Variants in GAL3ST2 observed in about 807,000 individuals in gnomAD.
GAL3ST2 encodes the protein galactose-3-O-sulfotransferase 2, also known as beta-galactose-3-O-sulfotransferase 2.
Under a neutral mutation model 12.9 loss-of-function variants are expected in GAL3ST2, and 16 were observed. The ratio of observed to expected loss-of-function variants is 1.24; its 90% CI spans 0.84 to 1.88. The LOEUF is 1.88. GAL3ST2 is among the 40% of genes most tolerant of loss of function. The probability of loss-of-function intolerance (pLI) is 0.00; values close to 1 mark genes in which losing one functional copy is unlikely to be tolerated. For missense variants in GAL3ST2, 639 were observed against 571.8 expected, an observed-to-expected ratio of 1.12 and a Z score of -1.20; for synonymous variants, 302 against 273.9, an observed-to-expected ratio of 1.10 and a Z score of -1.01.
rs775970290 is a variant in GAL3ST2, at chr2:241,803,753, G to A, written c.784G>A (p.Ala262Thr). ...RLNSRSARSV[A>T]RLSPETRERA... The stretch of plus-strand genomic sequence containing the variant: ...CAACTCCCGCAGCGCGCGCTCCGTG[G>A]CCCGCCTGTCGCCCGAGACCCGGGA... Residue 262 changes from alanine to threonine, a missense_variant, in exon 4 of 4, where the codon GCC (alanine) becomes ACC (threonine). By Grantham distance (58) the Ala-to-Thr change is moderately conservative. Transcript: ENST00000192314. 1.5e-4 allele frequency: 229 copies of A among 1,520,638 alleles called. No individual in the cohort carries two copies. Among genetic ancestry groups the A allele is most frequent in the Non-Finnish European group, 2.0e-4 (223 of 1,138,308 alleles). 94.2% of individuals were successfully genotyped at this position (1,520,638 alleles called of 1,614,324 possible).
At chr2:241,792,006 C>CTTT (rs1699698217) in intron 1 of GAL3ST2, among the ~76,000 whole-genome samples, 1 of 141,982 alleles carries the variant, frequency 7.0e-6, no homozygotes, top group African/African-American at 2.6e-5. Context: ...CTTTTCTTTT[C>CTTT]TTTCTTTCTT....
chr2:241,777,115 G>A (rs910902576), intron 1 of GAL3ST2, 131 bp downstream of exon 1: 4 of 830,926 alleles, frequency 4.8e-6, no homozygotes, highest in Admixed American at 3.9e-5. Flanking sequence ...TTCCTACTCA[G>A]GCTTCCCTGA....
rs1324238185 is a variant in GAL3ST2, at chr2:241,801,587, C to G, written c.120-194C>G. ...GTTGGGGGAGTTTGTGTTCGGGCCA[C>G]CAGCTGGGAGGTTGTGGAGTGGGGC... On this transcript the variant is annotated intron_variant, in intron 2 of 3. Transcript: ENST00000192314. The surrounding 1 kb of genome is among the most constrained non-coding windows in gnomAD (Gnocchi z 4.4). 1.5e-6 allele frequency: 1 copy of G among 670,380 alleles called. No individual in the cohort carries two copies. The highest frequency in any genetic ancestry group is 2.5e-6 in the Non-Finnish European group (1 of 403,050). 41.5% of individuals were successfully genotyped at this position (670,380 alleles called of 1,614,324 possible).
chr2:241,803,856 C>A lies in GAL3ST2; in HGVS notation c.887C>A (p.Ala296Asp). The A allele has an allele frequency of 6.9e-7, 1 of 1,451,726 alleles. No individual in the cohort carries two copies. Among genetic ancestry groups the A allele is most frequent in the Non-Finnish European group, 9.0e-7 (1 of 1,111,548 alleles). The allele number at this position is 1,451,726 out of a possible 1,614,324, so 89.9% of individuals were successfully genotyped here. Residue 296 changes from alanine (A) to aspartate (D), a missense_variant, in exon 4 of 4, where the codon GCC becomes GAC. Physicochemically the swap from Ala to Asp is moderately radical, Grantham distance 126. Coordinates refer to ENST00000192314, the MANE Select transcript of GAL3ST2 (RefSeq NM_022134.3). ...FNRTLWAQLRAELGPRRLRGE... is the reference protein window; with the variant it reads ...FNRTLWAQLRDELGPRRLRGE... ...CGCACCCTCTGGGCGCAGCTGCGCG[C>A]CGAGCTGGGGCCGCGGCGGCTGCGC...
rs1336582312 is a variant in GAL3ST2, at chr2:241,802,343, C to T, written c.375+307C>T. 6.6e-6 allele frequency among the ~76,000 whole-genome samples: 1 copy of T among 152,232 alleles called. No individual in the cohort carries two copies. The highest frequency in any genetic ancestry group is 6.5e-5 in the Admixed American group (1 of 15,290). ...GTGCACAGGCCCGGCTCTCCCCACC[C>T]TGTGACCTTCGCTTCTGTGGCTGCA... On this transcript the variant is annotated intron_variant, in intron 3 of 3. Coordinates refer to ENST00000192314, the MANE Select transcript of GAL3ST2 (RefSeq NM_022134.3). This position sits in a 1 kb window ranked among gnomAD's most constrained non-coding sequence, Gnocchi z 4.8.
intron 1 of GAL3ST2, among the ~76,000 whole-genome samples, chr2:241,777,895 G>T (rs115997942): frequency 1.3e-5 from 2 of 152,154 alleles, no homozygotes; most frequent in Admixed American, 6.5e-5. Context: ...CCCCGAGGTC[G>T]GCCAGGGCGG....
rs1699853916 is a variant in GAL3ST2 at position 241,801,866 on chromosome 2, A to G, written c.205A>G (p.Asn69Asp). 1 of 1,612,900 alleles carries G rather than the reference A, an allele frequency of 6.2e-7. No individual in the cohort carries two copies. The highest frequency in any genetic ancestry group is 8.5e-7 in the Non-Finnish European group (1 of 1,179,924). ...CAAGACGGCCAGCAGCACGGTGCTC[A>G]ACATCCTCTACCGCTTCGCCGAGAC... is the stretch of plus-strand genomic sequence containing the variant. ...THKTASSTVL[N>D]ILYRFAETHN... Residue 69 changes from asparagine (N) to aspartate (D), a missense_variant, in exon 3 of 4, where the codon AAC becomes GAC. Physicochemically the swap from Asn to Asp is conservative, Grantham distance 23. Coordinates refer to ENST00000192314, the MANE Select transcript of GAL3ST2 (RefSeq NM_022134.3). The surrounding 1 kb of genome is among the most constrained non-coding windows in gnomAD (Gnocchi z 4.4).
intron 1 of GAL3ST2, among the ~76,000 whole-genome samples, chr2:241,781,800 T>C (rs1408031203): frequency 5.9e-5 from 9 of 152,266 alleles, no homozygotes; most frequent in African/African-American, 2.2e-4. Context: ...TCTTAAAGGA[T>C]TAATTAGGTC....
At chr2:241,779,213 C>CTTTT (rs1559411538) in intron 1 of GAL3ST2, among the ~76,000 whole-genome samples, 2 of 97,146 alleles carry the variant, frequency 2.1e-5, no homozygotes, top group African/African-American at 8.3e-5. Context: ...TAGGAAAGCT[C>CTTTT]ATTTTTTTTT....
rs989843310 is a variant in GAL3ST2 at position 241,800,635 on chromosome 2, T to C, written c.120-1146T>C. ...TAAACCGCCAGAACCAGTCCGGGGC[T>C]GGGGGTCCCTGCTCAGGGGACAGTT... On this transcript the variant is annotated intron_variant, in intron 2 of 3. Transcript: ENST00000192314. The surrounding 1 kb of genome is among the most constrained non-coding windows in gnomAD (Gnocchi z 5.2). Among the ~76,000 whole-genome samples, 1 of 152,268 alleles carries C rather than the reference T, an allele frequency of 6.6e-6. No homozygotes were observed. Among genetic ancestry groups the C allele is most frequent in the African/African-American group, 2.4e-5 (1 of 41,552 alleles).
In GAL3ST2 at chr2:241,785,128, A is replaced by AC. The variant is rs1553615732; in HGVS notation, c.29+8144_29+8145insC. The stretch of plus-strand genomic sequence containing the variant: ...ATGTGATGCTTTTACAGTGCACTTA[A>AC]TTTTTTTTTAAACAAAGACGTTTCT... On this transcript the variant is annotated intron_variant, in intron 1 of 3. Coordinates refer to ENST00000192314, the MANE Select transcript of GAL3ST2 (RefSeq NM_022134.3). Among the ~76,000 whole-genome samples the AC allele has an allele frequency of 5.3e-5, 8 of 151,764 alleles. No individual in the cohort carries two copies. In the South Asian group the frequency reaches 1.7e-3, roughly 32 times the overall value.
chr2:241,782,929 G>C (rs146669406), intron 1 of GAL3ST2, among the ~76,000 whole-genome samples: 2,734 of 152,218 alleles, frequency 0.018, 90 homozygotes, highest in African/African-American at 0.063. Context: ...CCTGAGTTCA[G>C]GAGTTCAAGG....
chr2:241,786,139 TTGTGTGTGTG>T (rs141438054), intron 1 of GAL3ST2, among the ~76,000 whole-genome samples: 12 of 145,860 alleles, frequency 8.2e-5, no homozygotes, highest in African/African-American at 2.6e-4. Flanking sequence ...CACACACCTT[TTGTGTGTGTG>T]TGTGTGTGTG....
chr2:241,779,256 C>G (rs1435084808), intron 1 of GAL3ST2, among the ~76,000 whole-genome samples: 2 of 93,070 alleles, frequency 2.1e-5, no homozygotes, highest in East Asian at 7.1e-4. Flanking sequence ...TTTTTTGAGA[C>G]GGAGTCTCGC....
chr2:241,790,032 A>G (rs907798212), intron 1 of GAL3ST2, among the ~76,000 whole-genome samples: 5 of 152,118 alleles, frequency 3.3e-5, no homozygotes, highest in African/African-American at 9.7e-5. Context: ...TGTTATGTTA[A>G]GTTATTGTAT....
intron 1 of GAL3ST2, among the ~76,000 whole-genome samples, chr2:241,785,413 C>T (rs535579527): frequency 6.6e-5 from 10 of 151,954 alleles, no homozygotes; most frequent in African/African-American, 2.2e-4. Context: ...ATTAGCCAGG[C>T]GTGGTGGTGG....
At position 241,793,302 on chromosome 2, in the gene GAL3ST2, G is replaced by T. The variant is rs1699721252; in HGVS notation, c.30-5763G>T. ...GCGAGCTGGTCAGAAGGAACCGCAG[G>T]GGGATGTGTGTGTCCGTGTGTGTGT... On this transcript the variant is annotated intron_variant, in intron 1 of 3. Transcript: ENST00000192314. The surrounding 1 kb of genome is among the most constrained non-coding windows in gnomAD (Gnocchi z 4.7). Among the ~76,000 whole-genome samples, 1 of 152,172 alleles carries T rather than the reference G, an allele frequency of 6.6e-6. No individual in the cohort carries two copies. The highest frequency in any genetic ancestry group is 2.4e-5 in the African/African-American group (1 of 41,426).
chr2:241,802,021 G>C lies in GAL3ST2; in HGVS notation c.360G>C (p.Arg120Ser). Residue 120 changes from arginine (R) to serine (S), a missense_variant, in exon 3 of 4, where the codon AGG becomes AGC. Physicochemically the swap from Arg to Ser is moderately radical, Grantham distance 110. Transcript: ENST00000192314. This position sits in a 1 kb window ranked among gnomAD's most constrained non-coding sequence, Gnocchi z 4.8. Reference protein sequence around the residue: ...QRFNIMCNHLRFNLPQVQKVM... With the variant: ...QRFNIMCNHLSFNLPQVQKVM... ...TCAACATCATGTGCAACCACCTGAG[G>C]TTCAACCTGCCTCAGGTACCGCGGG... 3 of 1,611,578 alleles carry C rather than the reference G, an allele frequency of 1.9e-6. No individual in the cohort carries two copies. The highest frequency in any genetic ancestry group is 2.5e-6 in the Non-Finnish European group (3 of 1,179,342).
chr2:241,793,959 T>G lies in GAL3ST2; in HGVS notation c.30-5106T>G, dbSNP rs997217018. Among the ~76,000 whole-genome samples the G allele has an allele frequency of 2.0e-5, 3 of 152,170 alleles. No homozygotes were observed. Among genetic ancestry groups the G allele is most frequent in the Non-Finnish European group, 4.4e-5 (3 of 68,038 alleles). The stretch of plus-strand genomic sequence containing the variant: ...CGGTTTTGTTGTTGTTGTTTGTTTA[T>G]TTTTTGAGACAGAGACTGGCTCTGT... On this transcript the variant is annotated intron_variant, in intron 1 of 3. Transcript: ENST00000192314. This position sits in a 1 kb window ranked among gnomAD's most constrained non-coding sequence, Gnocchi z 4.7.
Sources: allele counts gnomAD v4.1 joint callset (sites outside exome capture counted in the v4.1 genomes callset), GRCh38; gene constraint gnomAD v4.1.1; non-coding constraint Gnocchi (gnomAD v3.1); transcripts MANE v1.5; gene names NCBI Gene and HGNC (gene_info 2026-07-23, HGNC 2026-07-21).